GPC5: variants seen among roughly 807,000 people sequenced by gnomAD.
GPC5 encodes the protein glypican-5.
A neutral mutation model predicts 53.9 loss-of-function variants in GPC5; 47 were observed. The observed-to-expected ratio is 0.87, with a 90% CI of 0.69 to 1.11. GPC5 has a LOEUF of 1.11. Among genes scored for constraint, GPC5 ranks in the 50% most tolerant of loss-of-function variants. The pLI is 0.00. For synonymous variants in GPC5, 286 were observed against 263.3 expected (o/e 1.09, Z -0.84); for missense variants, 748 against 713.1 (o/e 1.05, Z -0.56).
chr13:92,063,439 C>T (rs895775554), intron 6 of GPC5, among the ~76,000 whole-genome samples: 6 of 151,996 alleles, frequency 3.9e-5, no homozygotes, highest in Non-Finnish European at 7.4e-5. Flanking sequence ...TCTGGGCCTA[C>T]TGAGAATGGT....
chr13:91,726,922 C>T (rs1050594353), intron 3 of GPC5, among the ~76,000 whole-genome samples: 5 of 152,152 alleles, frequency 3.3e-5, no homozygotes, highest in Admixed American at 6.5e-5. Context: ...TCCTTTAGCT[C>T]GGTATCCAAG....
At chr13:92,704,227 T>C (rs1400058895) in intron 7 of GPC5, among the ~76,000 whole-genome samples, 1 of 152,002 alleles carries the variant, frequency 6.6e-6, no homozygotes, top group Non-Finnish European at 1.5e-5. Flanking sequence ...AAATAACCCT[T>C]TCTCTCCAAT....
At chr13:92,359,939 T>C (rs531442410) in intron 7 of GPC5, among the ~76,000 whole-genome samples, 1 of 151,888 alleles carries the variant, frequency 6.6e-6, no homozygotes, top group East Asian at 1.9e-4. Context: ...TGTTTGTTTT[T>C]TTTCTTGTAA....
chr13:92,644,898 G>A (rs1173614325), intron 7 of GPC5, among the ~76,000 whole-genome samples: 5 of 151,864 alleles, frequency 3.3e-5, no homozygotes, highest in African/African-American at 1.2e-4. Flanking sequence ...ATGGAAGGAG[G>A]TGAGATTGCA....
intron 6 of GPC5, among the ~76,000 whole-genome samples, chr13:92,029,226 C>G (rs935528193): frequency 1.1e-4 from 16 of 152,128 alleles, no homozygotes; most frequent in African/African-American, 3.4e-4. Context: ...AATGCCATTG[C>G]TTGAGCCTCT....
chr13:92,692,693 AAAAC>A (rs1050648132), intron 7 of GPC5, among the ~76,000 whole-genome samples: 5 of 147,942 alleles, frequency 3.4e-5, no homozygotes, highest in African/African-American at 1.3e-4. Flanking sequence ...TAAATTAAAA[AAAAC>A]AAAACAAAAC....
chr13:92,480,447 C>G (rs1879305614), intron 7 of GPC5, among the ~76,000 whole-genome samples: 1 of 151,994 alleles, frequency 6.6e-6, no homozygotes, highest in Non-Finnish European at 1.5e-5. Flanking sequence ...CTTGTGGCTC[C>G]AAGAAAAAGA....
intron 7 of GPC5, among the ~76,000 whole-genome samples, chr13:92,754,899 C>A (rs1299603828): frequency 6.7e-6 from 1 of 148,620 alleles, no homozygotes; most frequent in Non-Finnish European, 1.5e-5. Flanking sequence ...TAACACCCCA[C>A]TGTCAACATT....
At chr13:91,799,151 A>G (rs1398917692) in intron 5 of GPC5, among the ~76,000 whole-genome samples, 1 of 152,248 alleles carries the variant, frequency 6.6e-6, no homozygotes. Flanking sequence ...TTATGCAGCC[A>G]TAAAAAAGAA....
chr13:92,839,371 G>T (rs1326405614), intron 7 of GPC5, among the ~76,000 whole-genome samples: 2 of 152,034 alleles, frequency 1.3e-5, no homozygotes, highest in Non-Finnish European at 2.9e-5. Context: ...TGTCATGGGG[G>T]TTTTGTTGTA....
intron 5 of GPC5, among the ~76,000 whole-genome samples, chr13:91,773,411 A>T (rs2037659530): frequency 6.6e-6 from 1 of 152,164 alleles, no homozygotes; most frequent in African/African-American, 2.4e-5. Flanking sequence ...AAGTAGACAT[A>T]AGGCAAGTAT....
intron 7 of GPC5, among the ~76,000 whole-genome samples, chr13:92,823,957 C>G (rs144244166): frequency 1.8e-4 from 27 of 152,108 alleles, no homozygotes; most frequent in Middle Eastern, 3.4e-3. Context: ...ACTTTTTTCC[C>G]CTTTACTGAT....
intron 7 of GPC5, among the ~76,000 whole-genome samples, chr13:92,613,363 ATT>A: frequency 1.1e-5 from 1 of 88,964 alleles, no homozygotes; most frequent in African/African-American, 4.3e-5. Context: ...TATATAATAT[ATT>A]TATATATAAA....
chr13:92,331,086 T>C lies in GPC5; in HGVS notation c.1561+186097T>C, dbSNP rs577923612. 2.0e-5 allele frequency among the ~76,000 whole-genome samples: 3 copies of C among 152,290 alleles called. No homozygotes were observed. In the South Asian group the frequency reaches 6.2e-4, roughly 32 times the overall value. On this transcript the variant is annotated intron_variant, in intron 7 of 7. Transcript: ENST00000377067. Reference sequence around the variant, plus strand: ...AGGTCTAAATAGATTTTTTTAAATATGTTAATAAGGATCGGTACATGTCGA... The same window carrying C: ...AGGTCTAAATAGATTTTTTTAAATACGTTAATAAGGATCGGTACATGTCGA...
At chr13:92,457,267 T>C (rs896720414) in intron 7 of GPC5, among the ~76,000 whole-genome samples, 15 of 152,168 alleles carry the variant, frequency 9.9e-5, no homozygotes, top group African/African-American at 2.9e-4. Flanking sequence ...CTAGGTTGAT[T>C]CCATGTCTTT....
intron 7 of GPC5, among the ~76,000 whole-genome samples, chr13:92,790,046 C>G (rs1285838670): frequency 6.6e-6 from 1 of 152,094 alleles, no homozygotes; most frequent in African/African-American, 2.4e-5. Context: ...AAAGATGAAG[C>G]CTAGAAGATT....
chr13:92,633,079 C>A (rs868173116), intron 7 of GPC5, among the ~76,000 whole-genome samples: 5 of 151,964 alleles, frequency 3.3e-5, no homozygotes, highest in Non-Finnish European at 7.4e-5. Context: ...TTAGTAAAGA[C>A]GGGGTTTCAC....
At chr13:92,701,271 T>G (rs1201653420) in intron 7 of GPC5, 1 of 152,090 alleles carries the variant, frequency 6.6e-6, no homozygotes, top group African/African-American at 2.4e-5. Context: ...AAAATGCTTA[T>G]TATGTTGTAG....
Position 92,460,459 on chromosome 13 carries a change from G to T in GPC5, c.1561+315470G>T, listed in dbSNP as rs570071149. On this transcript the variant is annotated intron_variant, in intron 7 of 7. Transcript: ENST00000377067. ...TTTTCTTTCTGCAAGGAAAAGTTAT[G>T]TCCAATATATGCTAAGCATTTTGCC... 3.9e-5 allele frequency among the ~76,000 whole-genome samples: 6 copies of T among 152,006 alleles called. No individual in the cohort carries two copies. The East Asian group carries it at 1.2e-3, about 29-fold the overall frequency.
Sources: gnomAD v4.1 joint callset for allele counts (sites outside exome capture counted in the v4.1 genomes callset) on GRCh38, gnomAD v4.1.1 for gene constraint, MANE v1.5 for transcripts, NCBI Gene and HGNC (gene_info 2026-07-23, HGNC 2026-07-21) for gene names.